Variants in ARHGAP15 observed in about 807,000 individuals in gnomAD.
ARHGAP15 encodes rho GTPase-activating protein 15.
In ARHGAP15, 51 loss-of-function variants were observed where a neutral mutation model predicts 63.7. The ratio of observed to expected loss-of-function variants is 0.80; its 90% confidence interval spans 0.64 to 1.01. ARHGAP15 has a LOEUF of 1.01. ARHGAP15 is among the 50% of genes least tolerant of loss of function. The pLI is 0.00. For missense variants in ARHGAP15, 560 were observed against 564.6 expected, an observed-to-expected ratio of 0.99 and a Z score of 0.08; for synonymous variants, 191 against 193.8, an observed-to-expected ratio of 0.99 and a Z score of 0.12.
At chr2:143,387,773 A>G (rs1687351606) in intron 6 of ARHGAP15, among the ~76,000 whole-genome samples, 1 of 152,084 alleles carries the variant, frequency 6.6e-6, no homozygotes, top group Non-Finnish European at 1.5e-5. Context: ...CTTAACTGCT[A>G]CTCCAGAACC....
chr2:143,300,799 C>CCAGCCT (rs1216002744), intron 6 of ARHGAP15, among the ~76,000 whole-genome samples: 3 of 151,966 alleles, frequency 2.0e-5, no homozygotes, highest in Non-Finnish European at 4.4e-5. Context: ...AAATGGAGTC[C>CCAGCCT]AATTGTGTAC....
At chr2:143,159,417 T>A (rs779306225) in intron 2 of ARHGAP15, among the ~76,000 whole-genome samples, 1 of 151,948 alleles carries the variant, frequency 6.6e-6, no homozygotes, top group Non-Finnish European at 1.5e-5. Flanking sequence ...TTGTAGGGCT[T>A]GTCCATGTTT....
chr2:143,215,241 C>A lies in ARHGAP15; in HGVS notation c.235-1143C>A, dbSNP rs567753485. On this transcript the variant is annotated intron_variant, in intron 3 of 13. Coordinates refer to ENST00000295095, the MANE Select transcript of ARHGAP15 (RefSeq NM_018460.4). ...GGCAGAGAAATCATGGAAAGACCCT[C>A]TAATAAAAAGACGTGCACATTAAAA... is the stretch of plus-strand genomic sequence containing the variant. Among the ~76,000 whole-genome samples the A allele has an allele frequency of 7.9e-4, 120 of 152,182 alleles. 1 individual carries two copies. Among genetic ancestry groups the A allele is most frequent in the African/African-American group, 2.8e-3 (117 of 41,514 alleles).
chr2:143,383,993 C>A (rs1687165618), intron 6 of ARHGAP15, among the ~76,000 whole-genome samples: 1 of 152,064 alleles, frequency 6.6e-6, no homozygotes, highest in Non-Finnish European at 1.5e-5. Context: ...TCTGGGGCCA[C>A]CCTGGAAAGT....
intron 6 of ARHGAP15, among the ~76,000 whole-genome samples, chr2:143,388,628 A>G (rs1306277380): frequency 2.6e-5 from 4 of 152,200 alleles, no homozygotes; most frequent in Non-Finnish European, 5.9e-5. Flanking sequence ...ATACATACAT[A>G]CATATGTGTT....
In ARHGAP15 at chr2:143,257,774, C is replaced by T. The variant is rs77476820; in HGVS notation, c.474+7174C>T. ...TGGAGATCAAACCTGAGACTTGACA[C>T]GATGCACTCCAACCTGGGCAAAAGA... On this transcript the variant is annotated intron_variant, in intron 6 of 13. Coordinates refer to ENST00000295095, the MANE Select transcript of ARHGAP15 (RefSeq NM_018460.4). 5.4e-3 allele frequency among the ~76,000 whole-genome samples: 824 copies of T among 152,132 alleles called. 5 individuals are homozygous for T. Among genetic ancestry groups the T allele is most frequent in the Non-Finnish European group, 8.9e-3 (603 of 67,974 alleles).
At chr2:143,311,728 G>GA (rs1231498156) in intron 6 of ARHGAP15, among the ~76,000 whole-genome samples, 1 of 152,096 alleles carries the variant, frequency 6.6e-6, no homozygotes, top group Non-Finnish European at 1.5e-5. Flanking sequence ...TGTACTCTTA[G>GA]CATATGTCTA....
chr2:143,252,190 C>T (rs555000362), intron 6 of ARHGAP15, among the ~76,000 whole-genome samples: 5 of 152,070 alleles, frequency 3.3e-5, no homozygotes, highest in African/African-American at 9.6e-5. Flanking sequence ...AATTAGTTCA[C>T]AAATGAGGAT....
chr2:143,668,953 A>G (rs1682376372), intron 12 of ARHGAP15, among the ~76,000 whole-genome samples: 1 of 152,240 alleles, frequency 6.6e-6, no homozygotes, highest in Admixed American at 6.5e-5. Context: ...TAAAAGAAAT[A>G]GTCTTCTCTC....
At chr2:143,517,941 T>C (rs544193375) in intron 9 of ARHGAP15, among the ~76,000 whole-genome samples, 1 of 152,314 alleles carries the variant, frequency 6.6e-6, no homozygotes, top group Non-Finnish European at 1.5e-5. Context: ...ATCCATTAAT[T>C]AGTGGAGGTC....
chr2:143,590,959 T>C (rs867196644), intron 11 of ARHGAP15, among the ~76,000 whole-genome samples: 21 of 139,038 alleles, frequency 1.5e-4, no homozygotes, highest in Non-Finnish European at 2.1e-4. Context: ...CTCTCTCTCT[T>C]GATTCAGTAC....
chr2:143,749,206 G>A (rs1231527103), intron 13 of ARHGAP15, among the ~76,000 whole-genome samples: 1 of 152,180 alleles, frequency 6.6e-6, no homozygotes, highest in East Asian at 1.9e-4. Flanking sequence ...TCTGCCTGCA[G>A]TGGCCTCCAA....
At chr2:143,149,635 G>A (rs1019574340) in intron 1 of ARHGAP15, among the ~76,000 whole-genome samples, 4 of 151,772 alleles carry the variant, frequency 2.6e-5, no homozygotes. Flanking sequence ...TTTAATATTA[G>A]CCTCAGAACA....
chr2:143,542,096 C>G (rs1695091751), intron 10 of ARHGAP15, among the ~76,000 whole-genome samples: 1 of 152,224 alleles, frequency 6.6e-6, no homozygotes, highest in African/African-American at 2.4e-5. Flanking sequence ...CTCCCCCAGC[C>G]TCGCTGCCGC....
intron 6 of ARHGAP15, among the ~76,000 whole-genome samples, chr2:143,373,396 C>T (rs979491139): frequency 3.3e-5 from 5 of 151,918 alleles, no homozygotes; most frequent in East Asian, 1.9e-4. Flanking sequence ...TTTGGGAGGC[C>T]GAGGCAGGTG....
intron 11 of ARHGAP15, among the ~76,000 whole-genome samples, chr2:143,618,939 C>T (rs1287022027): frequency 6.6e-6 from 1 of 151,972 alleles, no homozygotes. Context: ...ATTCTCCTGC[C>T]TCAGCCTCCC....
chr2:143,317,813 C>T (rs1683789639), intron 6 of ARHGAP15, among the ~76,000 whole-genome samples: 1 of 152,140 alleles, frequency 6.6e-6, no homozygotes, highest in African/African-American at 2.4e-5. Flanking sequence ...TAGGAGATTG[C>T]TCATCCGAAG....
chr2:143,295,372 A>C (rs1682590611), intron 6 of ARHGAP15: 1 of 151,994 alleles, frequency 6.6e-6, no homozygotes, highest in Admixed American at 6.6e-5. Context: ...GTGGGCTCAG[A>C]AGAGGGAAAA....
At chr2:143,532,677 G>A (rs12614491) in intron 10 of ARHGAP15, among the ~76,000 whole-genome samples, 73,236 of 151,944 alleles carry the variant, frequency 0.48, 18,088 homozygotes, top group African/African-American at 0.58. Context: ...AAAAACAACT[G>A]TCAGGGACTC....
Sources: gnomAD v4.1 joint callset for allele counts (sites outside exome capture counted in the v4.1 genomes callset) on GRCh38, gnomAD v4.1.1 for gene constraint, MANE v1.5 for transcripts, NCBI Gene and HGNC (gene_info 2026-07-23, HGNC 2026-07-21) for gene names.